The following PZP variants were observed in gnomAD, a reference collection of about 807,000 sequenced individuals.
PZP encodes the protein pregnancy zone protein.
Under a neutral mutation model 179.8 loss-of-function variants are expected in PZP, and 150 were observed. That is an observed-to-expected ratio of 0.83 (90% CI 0.73 to 0.96). The LOEUF (loss-of-function observed/expected upper bound fraction) is 0.96. PZP is among the 40% of genes least tolerant of loss of function. The pLI is 0.00. For missense variants in PZP, 1,689 were observed against 1,764.0 expected, an observed-to-expected ratio of 0.96 and a Z score of 0.76; for synonymous variants, 624 against 652.3, an observed-to-expected ratio of 0.96 and a Z score of 0.66.
intron 8 of PZP, 27 bp from the exon 9 acceptor site, chr12:9,196,712 T>C: frequency 6.6e-7 from 1 of 1,521,756 alleles, no homozygotes; most frequent in Non-Finnish European, 9.1e-7. Flanking sequence ...AACCAATAAA[T>C]GTCAAACTGA....
chr12:9,148,150 A>G (rs957854823), downstream of PZP, among the ~76,000 whole-genome samples: 28 of 152,302 alleles, frequency 1.8e-4, no homozygotes, highest in African/African-American at 6.3e-4. Flanking sequence ...ACCATGTACA[A>G]CGTTTTGAAA....
chr12:9,194,665 C>A (rs778877870), intron 10 of PZP, among the ~76,000 whole-genome samples: 16 of 152,010 alleles, frequency 1.1e-4, no homozygotes, highest in South Asian at 1.0e-3. Context: ...GGGGTTTCAC[C>A]ATGTTAGCCA....
downstream of PZP, among the ~76,000 whole-genome samples, chr12:9,148,380 A>G (rs1303182168): frequency 7.2e-5 from 11 of 152,078 alleles, no homozygotes; most frequent in East Asian, 2.1e-3. Flanking sequence ...CATCCTCACC[A>G]CTGTTACTTT....
chr12:9,167,843 G>A (rs1419301115), intron 17 of PZP, among the ~76,000 whole-genome samples: 1 of 152,006 alleles, frequency 6.6e-6, no homozygotes, highest in Non-Finnish European at 1.5e-5. Flanking sequence ...CTTGAAGTTT[G>A]TTCTATGTAA....
intron 10 of PZP, 84 bp downstream of exon 10, chr12:9,196,245 TA>T: frequency 1.1e-6 from 1 of 886,792 alleles, no homozygotes; most frequent in Non-Finnish European, 1.8e-6. Context: ...CTGATAACAC[TA>T]ACCAAGTGTG....
At position 9,182,022 on chromosome 12, in the gene PZP, C is replaced by T; in HGVS notation, c.1642G>A (p.Val548Ile). 1 of 1,613,958 alleles carries T rather than the reference C, an allele frequency of 6.2e-7. No homozygotes were observed. Among genetic ancestry groups the T allele is most frequent in the Non-Finnish European group, 8.5e-7 (1 of 1,179,916 alleles). ...IFAILPDGEV[V>I]GDSEKFEIEN... Reference sequence around the variant, plus strand: ...ATCTCAAATTTTTCAGAGTCTCCAACAACTTCTCCATCTGGTAAAATGGCA... The same window carrying T: ...ATCTCAAATTTTTCAGAGTCTCCAATAACTTCTCCATCTGGTAAAATGGCA... The change falls in exon 14 of 36, where the codon GTT (valine) becomes ATT (isoleucine). Residue 548 changes from valine (V) to isoleucine (I), a missense_variant. By Grantham distance (29) the Val-to-Ile change is conservative. Transcript: ENST00000261336.
At chr12:9,160,636 T>A (rs1261770239) in intron 23 of PZP, 146 bp from the exon 24 acceptor site, 2 of 774,232 alleles carry the variant, frequency 2.6e-6, no homozygotes, top group Admixed American at 5.7e-5. Flanking sequence ...AGAATCCTAA[T>A]AAGAATAGCA....
chr12:9,138,962 C>T, the PZP span, among the ~76,000 whole-genome samples: 1 of 150,108 alleles, frequency 6.7e-6, no homozygotes, highest in Non-Finnish European at 1.5e-5. Flanking sequence ...TTATTTCTTT[C>T]TCTGCTAATT....
intron 13 of PZP, among the ~76,000 whole-genome samples, chr12:9,187,575 A>G (rs1042450925): frequency 6.6e-6 from 1 of 152,236 alleles, no homozygotes; most frequent in Non-Finnish European, 1.5e-5. Flanking sequence ...CTGCTCCTGC[A>G]TGACTTTTGG....
At chr12:9,141,190 C>T in the PZP span, among the ~76,000 whole-genome samples, 5 of 152,062 alleles carry the variant, frequency 3.3e-5, no homozygotes, top group African/African-American at 4.8e-5. Context: ...TAAGATATAT[C>T]AGAAATATAG....
At chr12:9,137,485 T>C in the PZP span, among the ~76,000 whole-genome samples, 1 of 152,126 alleles carries the variant, frequency 6.6e-6, no homozygotes, top group Non-Finnish European at 1.5e-5. Context: ...TTCTTCTTTC[T>C]CAAGATTGAT....
intron 25 of PZP, 109 bp downstream of exon 25, chr12:9,159,829 C>A (rs1941039058): frequency 2.1e-6 from 2 of 947,108 alleles, no homozygotes; most frequent in African/African-American, 1.7e-5. Context: ...TTATAAATTA[C>A]CTAGTTTCAG....
chr12:9,176,977 A>C (rs907702336), intron 15 of PZP, among the ~76,000 whole-genome samples: 5 of 152,218 alleles, frequency 3.3e-5, no homozygotes, highest in African/African-American at 9.6e-5. Flanking sequence ...TACAATGAGA[A>C]TCTCAGAGAG....
the PZP span, among the ~76,000 whole-genome samples, chr12:9,137,004 C>T: frequency 6.6e-6 from 1 of 152,098 alleles, no homozygotes; most frequent in Non-Finnish European, 1.5e-5. Context: ...TTGATTATTC[C>T]TTTGCTTTGC....
chr12:9,164,097 G>A, intron 20 of PZP, 36 bp downstream of exon 20: 1 of 1,584,700 alleles, frequency 6.3e-7, no homozygotes, highest in South Asian at 1.1e-5. Context: ...CACCGTCCTT[G>A]TTGATTGATA....
intron 10 of PZP, among the ~76,000 whole-genome samples, chr12:9,194,896 C>G (rs1455457870): frequency 1.3e-5 from 2 of 152,142 alleles, no homozygotes; most frequent in African/African-American, 4.8e-5. Context: ...TGGCTGTGTT[C>G]TGAACTCTAC....
At chr12:9,151,747 T>A (rs1164517965) in intron 32 of PZP, 75 bp from the exon 33 acceptor site, 1 of 1,176,660 alleles carries the variant, frequency 8.5e-7, no homozygotes, top group African/African-American at 1.5e-5. Context: ...GAGCAGATTG[T>A]AATAAGGGAC....
In PZP at chr12:9,166,487, G is replaced by T. The variant is rs189399734; in HGVS notation, c.2108-285C>A. 1.1e-4 allele frequency among the ~76,000 whole-genome samples: 16 copies of T among 152,286 alleles called. No individual in the cohort carries two copies. In the East Asian group the frequency reaches 2.1e-3, roughly 20 times the overall value. On this transcript the variant is annotated intron_variant, in intron 17 of 35. Transcript: ENST00000261336. ...TGGAGACAGTTTTATGGGTTTTGTG[G>T]CGAAGGACCAATTTTGAAATTGAGA...
chr12:9,203,496 T>C lies in PZP; in HGVS notation c.267+272A>G, dbSNP rs1944291299. On this transcript the variant is annotated intron_variant, in intron 2 of 35. Coordinates refer to ENST00000261336, the MANE Select transcript of PZP (RefSeq NM_002864.3). ...AGCTGGGACTACGGGCGCCTGCCAC[T>C]ACGCCCGGCTAATTTTTTGTATTTT... Among the ~76,000 whole-genome samples, 3 of 152,082 alleles carry C rather than the reference T, an allele frequency of 2.0e-5. No individual in the cohort carries two copies. The South Asian group carries it at 6.2e-4, about 32-fold the overall frequency.
Sources: allele counts gnomAD v4.1 joint callset (sites outside exome capture counted in the v4.1 genomes callset), GRCh38; gene constraint gnomAD v4.1.1; transcripts MANE v1.5; gene names NCBI Gene and HGNC (gene_info 2026-07-23, HGNC 2026-07-21).